Variants in NUDCD3 observed in about 807,000 individuals in gnomAD.
The protein encoded by NUDCD3 is nudC domain-containing protein 3.
Under a neutral mutation model 39.7 loss-of-function variants are expected in NUDCD3, and 13 were observed. The observed-to-expected ratio is 0.33, with a 90% CI of 0.21 to 0.52. The LOEUF is 0.52. NUDCD3 is among the 20% of genes least tolerant of loss of function. The pLI is 0.96. For missense variants in NUDCD3, 453 were observed against 458.1 expected (o/e 0.99, Z 0.10); for synonymous variants, 175 against 172.4 (o/e 1.02, Z -0.12).
At chr7:44,431,615 C>A (rs1799365221) in intron 2 of NUDCD3, among the ~76,000 whole-genome samples, 2 of 151,218 alleles carry the variant, frequency 1.3e-5, no homozygotes, top group Non-Finnish European at 2.9e-5. Context: ...CTGACCTACC[C>A]AATCTGCCTG....
intron 3 of NUDCD3, among the ~76,000 whole-genome samples, chr7:44,420,757 T>C (rs1298794453): frequency 6.6e-6 from 1 of 152,186 alleles, no homozygotes; most frequent in Non-Finnish European, 1.5e-5. Flanking sequence ...CTAAGCTTCA[T>C]AAGTGAAGGT....
chr7:44,436,568 C>CAA (rs1451963251), intron 2 of NUDCD3, among the ~76,000 whole-genome samples: 29 of 152,342 alleles, frequency 1.9e-4, no homozygotes, highest in Admixed American at 1.6e-3. Context: ...TACAGAACTA[C>CAA]AGGATCCATG....
chr7:44,443,969 G>C (rs1799642772), intron 2 of NUDCD3, among the ~76,000 whole-genome samples: 1 of 152,224 alleles, frequency 6.6e-6, no homozygotes. Context: ...CAAGAGTATA[G>C]TCTATGAAAT....
chr7:44,465,982 C>T (rs139150015), intron 2 of NUDCD3, among the ~76,000 whole-genome samples: 2 of 152,230 alleles, frequency 1.3e-5, no homozygotes, highest in East Asian at 1.9e-4. Flanking sequence ...AAGCTGACCT[C>T]GTGAATGCAT....
chr7:44,433,101 C>G (rs1799394490), intron 2 of NUDCD3, among the ~76,000 whole-genome samples: 1 of 152,190 alleles, frequency 6.6e-6, no homozygotes, highest in Non-Finnish European at 1.5e-5. Flanking sequence ...CACAAGAAAA[C>G]AGAGGTCCAT....
intron 1 of NUDCD3, 37 bp downstream of exon 1, chr7:44,490,372 G>T (rs1178646168): frequency 6.7e-7 from 1 of 1,486,652 alleles, no homozygotes; most frequent in African/African-American, 1.4e-5. Flanking sequence ...CAGGCCGGGG[G>T]CGGCGGCTCC....
At position 44,474,993 on chromosome 7, in the gene NUDCD3, C is replaced by A. The variant is rs191592333; in HGVS notation, c.509+9975G>T. 2.3e-3 allele frequency among the ~76,000 whole-genome samples: 352 copies of A among 152,356 alleles called. 2 individuals are homozygous for A. The highest frequency in any genetic ancestry group is 7.8e-3 in the African/African-American group (326 of 41,590). Reference sequence around the variant, plus strand: ...GGGGAAACAGACAGACATCCCTCAACCCCTGGCTTTCTATTCATTATTCTC... The same window carrying A: ...GGGGAAACAGACAGACATCCCTCAAACCCTGGCTTTCTATTCATTATTCTC... On this transcript the variant is annotated intron_variant, in intron 2 of 5. Transcript: ENST00000355451.
At chr7:44,474,756 A>G (rs1472900385) in intron 2 of NUDCD3, among the ~76,000 whole-genome samples, 3 of 152,252 alleles carry the variant, frequency 2.0e-5, no homozygotes, top group Non-Finnish European at 2.9e-5. Context: ...GAATTTTTTA[A>G]AAGTCCTCCT....
At chr7:44,401,008 G>C (rs1798712612) in intron 4 of NUDCD3, among the ~76,000 whole-genome samples, 1 of 152,178 alleles carries the variant, frequency 6.6e-6, no homozygotes, top group Admixed American at 6.5e-5. Context: ...GGTACTTAAT[G>C]ATAAGAAACC....
chr7:44,479,871 G>A (rs1800452291), intron 2 of NUDCD3, among the ~76,000 whole-genome samples: 1 of 152,164 alleles, frequency 6.6e-6, no homozygotes, highest in African/African-American at 2.4e-5. Flanking sequence ...GGAAAAGGAT[G>A]GTCTTTCACA....
chr7:44,489,789 G>A (rs1800693922), intron 1 of NUDCD3: 1 of 152,216 alleles, frequency 6.6e-6, no homozygotes, highest in Non-Finnish European at 1.5e-5. Context: ...CGGCAACTAA[G>A]AGTGTAAACT....
intron 2 of NUDCD3, among the ~76,000 whole-genome samples, chr7:44,460,610 G>A (rs1799988434): frequency 6.6e-6 from 1 of 152,014 alleles, no homozygotes; most frequent in South Asian, 2.1e-4. Flanking sequence ...GACTACATCT[G>A]GGGTTTTAAG....
intron 3 of NUDCD3, among the ~76,000 whole-genome samples, chr7:44,425,207 C>A (rs1799211061): frequency 6.6e-6 from 1 of 152,052 alleles, no homozygotes; most frequent in South Asian, 2.1e-4. Context: ...GGCTTAAAAC[C>A]TAGATGACGG....
At chr7:44,459,587 T>C (rs1238250632) in intron 2 of NUDCD3, among the ~76,000 whole-genome samples, 2 of 152,256 alleles carry the variant, frequency 1.3e-5, no homozygotes, top group Admixed American at 6.5e-5. Context: ...ATAATAGTGA[T>C]AGAACTGGAT....
chr7:44,463,816 T>C (rs1047733038), intron 2 of NUDCD3, among the ~76,000 whole-genome samples: 3 of 151,862 alleles, frequency 2.0e-5, no homozygotes, highest in African/African-American at 7.3e-5. Context: ...GTATTTTTAC[T>C]AAATAAAAAA....
At chr7:44,473,531 C>T (rs1037132811) in intron 2 of NUDCD3, among the ~76,000 whole-genome samples, 1 of 152,194 alleles carries the variant, frequency 6.6e-6, no homozygotes, top group African/African-American at 2.4e-5. Context: ...GGGTTCACAG[C>T]ACATTCCAGG....
chr7:44,471,720 C>T (rs1563187745), intron 2 of NUDCD3: 1 of 152,262 alleles, frequency 6.6e-6, no homozygotes, highest in Non-Finnish European at 1.5e-5. Flanking sequence ...AGAAGTGACA[C>T]ACAGACCTTA....
Position 44,383,472 on chromosome 7 carries a change from TCC to T in NUDCD3, c.*2537_*2538del, listed in dbSNP as rs763452207. On this transcript the variant is annotated 3_prime_UTR_variant, in exon 6 of 6. Coordinates refer to ENST00000355451, the MANE Select transcript of NUDCD3 (RefSeq NM_015332.4). ...CAGATGGGAAACAACCCCTAAGAAT[TCC>T]CCATGCTGGTGTTTGCTGTGTACGT... The T allele has an allele frequency of 1.3e-5, 2 of 152,188 alleles. No individual in the cohort carries two copies. The highest frequency in any genetic ancestry group is 2.9e-5 in the Non-Finnish European group (2 of 68,032). The allele number at this position is 152,188 out of a possible 1,614,324, so 9.4% of individuals were successfully genotyped here.
At chr7:44,485,582 A>G (rs1800593266) in intron 1 of NUDCD3, 1 of 271,570 alleles carries the variant, frequency 3.7e-6, no homozygotes, top group African/African-American at 2.2e-5. Flanking sequence ...TACAGACCCC[A>G]GTCTTGTTCA....
Sources: gnomAD v4.1 joint callset for allele counts (sites outside exome capture counted in the v4.1 genomes callset) on GRCh38, gnomAD v4.1.1 for gene constraint, MANE v1.5 for transcripts, NCBI Gene and HGNC (gene_info 2026-07-23, HGNC 2026-07-21) for gene names.